The following ITGA9 variants were observed in gnomAD, a reference collection of about 807,000 sequenced individuals.
The protein encoded by ITGA9 is integrin subunit alpha 9.
Under a neutral mutation model 127.8 loss-of-function variants are expected in ITGA9, and 56 were observed. That is an observed-to-expected ratio of 0.44 (90% CI 0.35 to 0.55). ITGA9 has a LOEUF of 0.55. ITGA9 is among the 20% of genes least tolerant of loss of function. ITGA9 has a pLI of 0.00. For missense variants in ITGA9, 1,196 were observed against 1,347.1 expected (o/e 0.89, Z 1.76); for synonymous variants, 508 against 514.5 (o/e 0.99, Z 0.17).
intron 15 of ITGA9, among the ~76,000 whole-genome samples, chr3:37,589,692 G>A (rs944328709): frequency 5.9e-5 from 9 of 152,150 alleles, no homozygotes; most frequent in African/African-American, 1.2e-4. Flanking sequence ...GGAAACAGCC[G>A]GTGCAAAGGC....
chr3:37,670,331 TC>T (rs769426178), intron 17 of ITGA9, among the ~76,000 whole-genome samples: 1 of 152,104 alleles, frequency 6.6e-6, no homozygotes, highest in Non-Finnish European at 1.5e-5. Flanking sequence ...GAGCCTGCCA[TC>T]CCTCCTTCCC....
intron 22 of ITGA9, chr3:37,749,145 C>T (rs1222832555): frequency 2.9e-5 from 6 of 205,478 alleles, no homozygotes; most frequent in Middle Eastern, 1.8e-3. Flanking sequence ...TTGCCAGAGG[C>T]ACCAGGGGAA....
Position 37,635,892 on chromosome 3 carries a change from T to C in ITGA9, c.1839+6556T>C, listed in dbSNP as rs539021422. Among the ~76,000 whole-genome samples the C allele has an allele frequency of 1.9e-3, 291 of 151,840 alleles. 15 individuals carry two copies. The South Asian group carries it at 0.057, about 30-fold the overall frequency. On this transcript the variant is annotated intron_variant, in intron 16 of 27. Transcript: ENST00000264741. The stretch of plus-strand genomic sequence containing the variant: ...GAGAACATGCGGTGTTTGGTTTTTT[T>C]GTCCTTGCGATAGTTTGCTGAGAAT...
chr3:37,712,363 T>G (rs1334296970), intron 18 of ITGA9, among the ~76,000 whole-genome samples: 2 of 4,290 alleles, frequency 4.7e-4, no homozygotes, highest in Non-Finnish European at 8.6e-4. Context: ...CCTTCCCACT[T>G]AGGGAACCAG....
intron 5 of ITGA9, among the ~76,000 whole-genome samples, chr3:37,498,042 G>A (rs1357578972): frequency 1.3e-5 from 2 of 152,216 alleles, no homozygotes; most frequent in African/African-American, 4.8e-5. Flanking sequence ...GGGCTGGGTG[G>A]CCAGGGAGCT....
intron 26 of ITGA9, among the ~76,000 whole-genome samples, 181 bp downstream of exon 26, chr3:37,785,259 G>A (rs575993049): frequency 1.1e-3 from 163 of 152,298 alleles, no homozygotes; most frequent in African/African-American, 3.8e-3. Context: ...TCTGTGGTTC[G>A]TTCTTGTGAT....
At chr3:37,773,117 A>G (rs1278449079) in intron 23 of ITGA9, among the ~76,000 whole-genome samples, 1 of 152,222 alleles carries the variant, frequency 6.6e-6, no homozygotes, top group African/African-American at 2.4e-5. Context: ...GCACATTAGC[A>G]ACACTGGCTG....
At chr3:37,807,935 G>A (rs924568133) in intron 27 of ITGA9, 3 of 152,312 alleles carry the variant, frequency 2.0e-5, no homozygotes, top group African/African-American at 4.8e-5. Flanking sequence ...GGCAAGATGC[G>A]AATTAGTTTG....
chr3:37,673,263 A>G (rs1370283971), intron 17 of ITGA9, among the ~76,000 whole-genome samples: 2 of 152,174 alleles, frequency 1.3e-5, no homozygotes, highest in East Asian at 1.9e-4. Context: ...AGCTCCAACT[A>G]CAACCTATTC....
intron 14 of ITGA9, among the ~76,000 whole-genome samples, chr3:37,537,762 T>A (rs564345366): frequency 1.9e-4 from 29 of 152,324 alleles, no homozygotes; most frequent in African/African-American, 7.0e-4. Flanking sequence ...TGCACTGTGC[T>A]TAGCACTGGG....
At chr3:37,555,662 T>C (rs898331513) in intron 15 of ITGA9, among the ~76,000 whole-genome samples, 3 of 152,208 alleles carry the variant, frequency 2.0e-5, no homozygotes, top group Non-Finnish European at 4.4e-5. Context: ...AAATAATAGA[T>C]TGAGGTCACA....
chr3:37,733,515 C>CAA lies in ITGA9; in HGVS notation c.2154+745_2154+746dup, dbSNP rs58505517. 4.1e-4 allele frequency among the ~76,000 whole-genome samples: 33 copies of CAA among 80,380 alleles called. 1 individual carries two copies. The highest frequency in any genetic ancestry group is 6.3e-4 in the African/African-American group (13 of 20,780). 52.7% of individuals were successfully genotyped at this position (80,380 alleles called of 152,430 possible). A position where few individuals can be genotyped will look rare whatever the true frequency, so the allele number is the denominator to read the frequency against. On this transcript the variant is annotated intron_variant, in intron 19 of 27. Coordinates refer to ENST00000264741, the MANE Select transcript of ITGA9 (RefSeq NM_002207.3). ...ATGAACAGAGTGAGACTCCGTCTCA[C>CAA]AAAAAAAAAAAAAAAAAAAAAAAAA... is the stretch of plus-strand genomic sequence containing the variant.
intron 17 of ITGA9, among the ~76,000 whole-genome samples, chr3:37,660,000 A>ACACG (rs1408947569): frequency 1.3e-5 from 2 of 151,464 alleles, no homozygotes; most frequent in East Asian, 1.9e-4. Context: ...ACACACACAC[A>ACACG]CACGCACACA....
At chr3:37,466,287 G>C (rs761426599) in intron 1 of ITGA9, among the ~76,000 whole-genome samples, 1 of 151,650 alleles carries the variant, frequency 6.6e-6, no homozygotes, top group Non-Finnish European at 1.5e-5. Flanking sequence ...GTTCAAGACC[G>C]GCCTTACCAA....
chr3:37,683,051 C>T (rs187665870), intron 17 of ITGA9, among the ~76,000 whole-genome samples: 7 of 152,312 alleles, frequency 4.6e-5, no homozygotes, highest in Admixed American at 2.0e-4. Context: ...AAGGGGCTTC[C>T]GAGGGTCAAA....
intron 27 of ITGA9, among the ~76,000 whole-genome samples, chr3:37,815,147 G>C (rs1440990861): frequency 6.6e-6 from 1 of 152,198 alleles, no homozygotes; most frequent in Non-Finnish European, 1.5e-5. Context: ...CTTGTTGTTA[G>C]CAAGAATTGC....
intron 3 of ITGA9, among the ~76,000 whole-genome samples, chr3:37,478,710 TATA>T (rs1410820648): frequency 4.6e-5 from 7 of 152,234 alleles, no homozygotes; most frequent in Non-Finnish European, 7.3e-5. Context: ...TGTGTGTATA[TATA>T]ATGATAATCA....
intron 14 of ITGA9, among the ~76,000 whole-genome samples, chr3:37,541,357 T>TA (rs1284895635): frequency 6.6e-6 from 1 of 152,042 alleles, no homozygotes; most frequent in Non-Finnish European, 1.5e-5. Context: ...CCAAAACAGT[T>TA]AAAAAATAAA....
At chr3:37,635,598 T>C (rs944206493) in intron 16 of ITGA9, among the ~76,000 whole-genome samples, 120 of 151,708 alleles carry the variant, frequency 7.9e-4, no homozygotes, top group East Asian at 6.2e-3. Flanking sequence ...TTTATTTTTT[T>C]CCTAAATTTC....
Sources: allele counts gnomAD v4.1 joint callset (sites outside exome capture counted in the v4.1 genomes callset), GRCh38; gene constraint gnomAD v4.1.1; transcripts MANE v1.5; gene names NCBI Gene and HGNC (gene_info 2026-07-23, HGNC 2026-07-21).